The following HYCC2 variants were observed in gnomAD, a reference collection of about 807,000 sequenced individuals.
The protein encoded by HYCC2 is hyccin 2.
chr2:201,042,976 G>C, the HYCC2 span, among the ~76,000 whole-genome samples: 1 of 152,222 alleles, frequency 6.6e-6, no homozygotes, highest in Admixed American at 6.5e-5. Context: ...GACAATGGCG[G>C]TTTTGTGGAA....
chr2:201,061,761 C>T, the HYCC2 span, among the ~76,000 whole-genome samples: 10 of 151,356 alleles, frequency 6.6e-5, no homozygotes, highest in East Asian at 1.9e-4. Flanking sequence ...TTAAAGAAAA[C>T]GGAAAATAAA....
chr2:201,045,141 G>A, the HYCC2 span, among the ~76,000 whole-genome samples: 8 of 152,294 alleles, frequency 5.3e-5, no homozygotes, highest in East Asian at 1.5e-3. Flanking sequence ...AAAATAGGAA[G>A]CTACTTGTGG....
At chr2:200,997,185 G>C in the HYCC2 span, 26 of 272,308 alleles carry the variant, frequency 9.5e-5, no homozygotes, top group Non-Finnish European at 1.7e-4. Flanking sequence ...AGCCAAGAAG[G>C]CTGAGGGCAC....
the HYCC2 span, chr2:200,996,886 T>C: frequency 1.3e-5 from 2 of 152,220 alleles, no homozygotes; most frequent in East Asian, 3.8e-4. Context: ...ATAAGATATA[T>C]CACTAAACAA....
the HYCC2 span, among the ~76,000 whole-genome samples, chr2:201,043,706 C>G: frequency 6.6e-6 from 1 of 151,862 alleles, no homozygotes; most frequent in African/African-American, 2.4e-5. Flanking sequence ...GACAGGGATT[C>G]ACTGTGCTAG....
the HYCC2 span, among the ~76,000 whole-genome samples, chr2:200,993,621 A>AT: frequency 6.6e-6 from 1 of 151,738 alleles, no homozygotes; most frequent in East Asian, 1.9e-4. Context: ...GTCTTGGGAA[A>AT]TTTTTTTTTA....
the HYCC2 span, among the ~76,000 whole-genome samples, chr2:200,998,064 T>C: frequency 6.6e-6 from 1 of 152,162 alleles, no homozygotes; most frequent in African/African-American, 2.4e-5. Flanking sequence ...TCAATCATGC[T>C]TGAACAGATG....
At chr2:200,987,104 C>T in the HYCC2 span, among the ~76,000 whole-genome samples, 6 of 152,142 alleles carry the variant, frequency 3.9e-5, no homozygotes. Flanking sequence ...CAGGACCCTG[C>T]CTTGTTAGTA....
At chr2:201,045,868 A>G in the HYCC2 span, among the ~76,000 whole-genome samples, 14 of 152,178 alleles carry the variant, frequency 9.2e-5, no homozygotes, top group African/African-American at 3.4e-4. Context: ...AATTATCTGG[A>G]GCCTCACTTG....
chr2:201,011,398 G>A, the HYCC2 span: 7 of 1,537,038 alleles, frequency 4.6e-6, no homozygotes, highest in Non-Finnish European at 6.2e-6. Flanking sequence ...TTACTTCATG[G>A]TATATTGAAG....
the HYCC2 span, chr2:201,022,875 G>A: frequency 1.2e-6 from 2 of 1,613,488 alleles, no homozygotes; most frequent in African/African-American, 2.7e-5. Context: ...GCTGGTACAA[G>A]TGTTTTTTTC....
chr2:200,996,028 CTTTT>C, the HYCC2 span: 8 of 115,504 alleles, frequency 6.9e-5, no homozygotes, highest in African/African-American at 9.6e-5. Context: ...TTTCTTTTTT[CTTTT>C]TTTTTTTTTT....
the HYCC2 span, among the ~76,000 whole-genome samples, chr2:201,026,044 A>G: frequency 6.6e-5 from 10 of 152,222 alleles, no homozygotes; most frequent in African/African-American, 1.7e-4. Context: ...GTCAAGGCCC[A>G]TAAGTATGCT....
chr2:201,045,240 G>A, the HYCC2 span, among the ~76,000 whole-genome samples: 6 of 152,182 alleles, frequency 3.9e-5, no homozygotes, highest in Admixed American at 2.0e-4. Flanking sequence ...AGATGTAGCC[G>A]GATAATGCAA....
At chr2:200,982,148 A>G in the HYCC2 span, among the ~76,000 whole-genome samples, 1 of 151,866 alleles carries the variant, frequency 6.6e-6, no homozygotes, top group Non-Finnish European at 1.5e-5. Flanking sequence ...TAAAACGACT[A>G]GGTAAAATAC....
the HYCC2 span, chr2:200,977,067 T>C: frequency 1.3e-5 from 2 of 152,350 alleles, no homozygotes; most frequent in East Asian, 3.9e-4. Context: ...ACAACTGTTA[T>C]GTGGCAGAAA....
chr2:201,068,347 C>T, the HYCC2 span, among the ~76,000 whole-genome samples: 363 of 152,142 alleles, frequency 2.4e-3, 1 homozygote, highest in African/African-American at 8.0e-3. Context: ...ATTTATTGAG[C>T]TATAAAAGTA....
At chr2:201,023,503 A>G in the HYCC2 span, 1 of 154,184 alleles carries the variant, frequency 6.5e-6, no homozygotes, top group East Asian at 1.9e-4. Flanking sequence ...AATTAATCTA[A>G]TCTTTAAAAA....
the HYCC2 span, among the ~76,000 whole-genome samples, chr2:201,057,410 A>ATT: frequency 2.6e-5 from 4 of 152,354 alleles, no homozygotes; most frequent in East Asian, 7.7e-4. Context: ...AGAAGCAGAG[A>ATT]TAAATATAGA....
Sources: gnomAD v4.1 joint callset for allele counts (sites outside exome capture counted in the v4.1 genomes callset) on GRCh38, gnomAD v4.1.1 for gene constraint, MANE v1.5 for transcripts, NCBI Gene and HGNC (gene_info 2026-07-23, HGNC 2026-07-21) for gene names.